The following PALD1 variants were observed in gnomAD, a reference collection of about 807,000 sequenced individuals.
PALD1 encodes the protein paladin.
A neutral mutation model predicts 96.0 loss-of-function variants in PALD1; 57 were observed. That is an observed-to-expected ratio of 0.59 (90% CI 0.48 to 0.74). The LOEUF (loss-of-function observed/expected upper bound fraction) is 0.74. PALD1 is among the 30% of genes least tolerant of loss of function. The pLI, the probability that PALD1 is intolerant of heterozygous loss-of-function variation, is 0.00. For missense variants in PALD1, 1,063 were observed against 1,143.7 expected (o/e 0.93, Z 1.02); for synonymous variants, 464 against 473.6 (o/e 0.98, Z 0.26).
chr10:70,495,564 G>A (rs1846180789), intron 1 of PALD1, among the ~76,000 whole-genome samples: 1 of 152,132 alleles, frequency 6.6e-6, no homozygotes, highest in Non-Finnish European at 1.5e-5. Context: ...TGGCTGGGAG[G>A]GGTGTTTGTG....
At chr10:70,549,458 C>T (rs147677253) in intron 18 of PALD1, among the ~76,000 whole-genome samples, 2 of 152,220 alleles carry the variant, frequency 1.3e-5, no homozygotes, top group African/African-American at 2.4e-5. Context: ...CTGCAGCCCT[C>T]GATGTCCACT....
chr10:70,545,254 A>G (rs577082818), intron 17 of PALD1, among the ~76,000 whole-genome samples: 1 of 152,242 alleles, frequency 6.6e-6, no homozygotes, highest in South Asian at 2.1e-4. Flanking sequence ...GGGAGCCTTT[A>G]GACCCCAGTT....
chr10:70,533,193 A>C, intron 7 of PALD1, 123 bp downstream of exon 7: 1 of 774,174 alleles, frequency 1.3e-6, no homozygotes, highest in South Asian at 1.6e-5. Flanking sequence ...TGTGTATGTG[A>C]GCATGTTAGG....
chr10:70,534,344 C>T (rs41277992), intron 8 of PALD1, 81 bp from the exon 9 acceptor site: 162,559 of 941,166 alleles, frequency 0.17, 15,969 homozygotes, highest in Middle Eastern at 0.25. Flanking sequence ...CCCCCAGCGG[C>T]CATATGAGTG....
intron 18 of PALD1, among the ~76,000 whole-genome samples, chr10:70,557,809 T>G (rs1847640461): frequency 6.6e-6 from 1 of 151,752 alleles, no homozygotes; most frequent in East Asian, 1.9e-4. Flanking sequence ...TTCTTTCTGT[T>G]GAGTGGGTGA....
intron 4 of PALD1, 61 bp downstream of exon 4, chr10:70,530,129 G>C (rs1846963584): frequency 3.6e-6 from 5 of 1,400,110 alleles, no homozygotes; most frequent in Middle Eastern, 1.9e-4. Flanking sequence ...GGGGCACCTT[G>C]GAGGGGCAGC....
rs77926728 is a variant in PALD1 at position 70,534,954 on chromosome 10, G to A, written c.1227+111G>A. On this transcript the variant is annotated intron_variant, in intron 10 of 19. Coordinates refer to ENST00000263563, the MANE Select transcript of PALD1 (RefSeq NM_014431.3). The stretch of plus-strand genomic sequence containing the variant: ...CAGACTGACTTTTTCTGGCTGCTGC[G>A]TCTCCCATGAGAAGAGCAGTTTTCA... 8.9e-3 allele frequency: 6,660 copies of A among 749,164 alleles called. 306 individuals carry two copies. The African/African-American group carries it at 0.1, about 11-fold the overall frequency. The allele number at this position is 749,164 out of a possible 1,614,324, so 46.4% of individuals were successfully genotyped here.
rs573225211 is a variant in PALD1, at chr10:70,539,821, C to A, written c.1908+59C>A. 1.0e-5 allele frequency: 15 copies of A among 1,464,056 alleles called. No individual in the cohort carries two copies. Among genetic ancestry groups the A allele is most frequent in the South Asian group, 3.6e-5 (3 of 83,798 alleles). The allele number at this position is 1,464,056 out of a possible 1,614,324, so 90.7% of individuals were successfully genotyped here. A position where few individuals can be genotyped will look rare whatever the true frequency, so the allele number is the denominator to read the frequency against. On this transcript the variant is annotated intron_variant, in intron 15 of 19. Coordinates refer to ENST00000263563, the MANE Select transcript of PALD1 (RefSeq NM_014431.3). This position sits in a 1 kb window ranked among gnomAD's most constrained non-coding sequence, Gnocchi z 4.5. The stretch of plus-strand genomic sequence containing the variant: ...AGGGACAGGAGGCCTCCCTGTCTCC[C>A]CTCTGGTCTGGGCTCTGGGAGAATG...
At chr10:70,561,640 C>G (rs1472032451) in intron 18 of PALD1, among the ~76,000 whole-genome samples, 1 of 152,182 alleles carries the variant, frequency 6.6e-6, no homozygotes. Context: ...CCCTCAAATC[C>G]CCAGAAACCC....
rs781080683 is a variant in PALD1 at position 70,526,136 on chromosome 10, C to T, written c.185C>T (p.Thr62Met). The change falls in exon 2 of 20, where the codon ACG becomes ATG. Residue 62 changes from threonine to methionine, a missense_variant and splice_region_variant. By Grantham distance (81) the Thr-to-Met change is moderately conservative. Coordinates refer to ENST00000263563, the MANE Select transcript of PALD1 (RefSeq NM_014431.3). The stretch of plus-strand genomic sequence containing the variant: ...AACAAGGTGGCCCCTGTTGTGATCA[C>T]GTGAGTGGCAGGGGGAGTGTGCCCA... ...IPNKVAPVVI[T>M]YNCKEEFQIH... 1.3e-5 allele frequency: 21 copies of T among 1,613,176 alleles called. No individual in the cohort carries two copies. The highest frequency in any genetic ancestry group is 1.1e-4 in the East Asian group (5 of 44,884).
intron 1 of PALD1, among the ~76,000 whole-genome samples, chr10:70,516,460 A>G (rs1846621832): frequency 6.6e-6 from 1 of 152,248 alleles, no homozygotes; most frequent in African/African-American, 2.4e-5. Context: ...ATACAGATGA[A>G]TGAGTGAACT....
chr10:70,489,358 C>T (rs944630491), intron 1 of PALD1, among the ~76,000 whole-genome samples: 2 of 152,042 alleles, frequency 1.3e-5, no homozygotes, highest in African/African-American at 2.4e-5. Context: ...GAACCCCATC[C>T]CCTGCATCCT....
At chr10:70,556,892 G>A (rs1847624156) in intron 18 of PALD1, among the ~76,000 whole-genome samples, 1 of 152,166 alleles carries the variant, frequency 6.6e-6, no homozygotes, top group Admixed American at 6.5e-5. Flanking sequence ...AGAGGTCCTT[G>A]TTTCTGCTGC....
the PALD1 span, among the ~76,000 whole-genome samples, chr10:70,465,715 G>A: frequency 6.6e-6 from 1 of 152,098 alleles, no homozygotes; most frequent in Non-Finnish European, 1.5e-5. Context: ...GCCTCCATAC[G>A]CCAAGGCTGC....
chr10:70,476,750 G>A (rs545665583), upstream of PALD1, among the ~76,000 whole-genome samples: 20 of 152,218 alleles, frequency 1.3e-4, no homozygotes, highest in African/African-American at 4.1e-4. Context: ...GTATGGAGAC[G>A]TGCCAGGCAC....
Position 70,538,000 on chromosome 10 carries a change from C to T in PALD1, c.1323+94C>T, listed in dbSNP as rs1430485999. 1.5e-5 allele frequency: 15 copies of T among 978,676 alleles called. No individual in the cohort carries two copies. The East Asian group carries it at 3.4e-4, about 22-fold the overall frequency. 60.6% of individuals were successfully genotyped at this position (978,676 alleles called of 1,614,324 possible). ...ACTGGCTTGCTGTGGAGGGAGACCCCCCAAGGAACCGGGGAGGGAAGGGAG... is the reference window on the plus strand; with the variant it reads ...ACTGGCTTGCTGTGGAGGGAGACCCTCCAAGGAACCGGGGAGGGAAGGGAG... On this transcript the variant is annotated intron_variant, in intron 11 of 19. Transcript: ENST00000263563.
In PALD1 at chr10:70,564,514, CAGG is replaced by C. The variant is rs751383728; in HGVS notation, c.2417_2418+1del. ...GCAGAGGCCCTTCAGCACCTGGATG[CAGG>C]AGGTGAGGGGAGGCTGAGGCCGAGA... On this transcript the variant is annotated inframe_deletion and splice_region_variant, in exon 19 of 20. Coordinates refer to ENST00000263563, the MANE Select transcript of PALD1 (RefSeq NM_014431.3). 5 of 1,613,322 alleles carry C rather than the reference CAGG, an allele frequency of 3.1e-6. No homozygotes were observed. The African/African-American group carries it at 6.7e-5, about 22-fold the overall frequency.
At chr10:70,537,564 C>G (rs1847140021) in intron 10 of PALD1, among the ~76,000 whole-genome samples, 1 of 152,242 alleles carries the variant, frequency 6.6e-6, no homozygotes, top group Admixed American at 6.5e-5. Flanking sequence ...GGGAGACCAG[C>G]CCTGCACCTA....
At chr10:70,538,749 GA>G in intron 12 of PALD1, 142 bp from the exon 13 acceptor site, 2 of 715,184 alleles carry the variant, frequency 2.8e-6, no homozygotes, top group Non-Finnish European at 2.4e-6. Flanking sequence ...AGGGCCGGGG[GA>G]AGCTCCAAGT....
Sources: allele counts gnomAD v4.1 joint callset (sites outside exome capture counted in the v4.1 genomes callset), GRCh38; gene constraint gnomAD v4.1.1; non-coding constraint Gnocchi (gnomAD v3.1); transcripts MANE v1.5; gene names NCBI Gene and HGNC (gene_info 2026-07-23, HGNC 2026-07-21).